SEL1L3: variants seen among roughly 807,000 people sequenced by gnomAD.
SEL1L3 encodes protein sel-1 homolog 3.
Under a neutral mutation model 142.8 loss-of-function variants are expected in SEL1L3, and 76 were observed. The observed-to-expected ratio is 0.53, with a 90% confidence interval of 0.44 to 0.64. The LOEUF (loss-of-function observed/expected upper bound fraction) is 0.64, where lower values mean the gene tolerates loss of function less well. Ranked by LOEUF, SEL1L3 falls within the 30% of genes least tolerant of loss-of-function variation. The pLI is 0.00. For missense variants in SEL1L3, 1,262 were observed against 1,381.7 expected (o/e 0.91, Z 1.37); for synonymous variants, 504 against 519.6 (o/e 0.97, Z 0.41).
chr4:25,804,780 A>G (rs979727264), intron 9 of SEL1L3, 28 bp from the exon 10 acceptor site: 13 of 1,456,168 alleles, frequency 8.9e-6, no homozygotes, highest in Non-Finnish European at 1.3e-5. Context: ...CAGAGCACAC[A>G]CAATTAATTA....
the SEL1L3 span, among the ~76,000 whole-genome samples, chr4:25,733,910 T>C: frequency 3.3e-5 from 5 of 152,138 alleles, no homozygotes; most frequent in Admixed American, 3.3e-4. Flanking sequence ...AGGGAGGAAG[T>C]GTTCAGTTTG....
chr4:25,725,228 A>C, the SEL1L3 span, among the ~76,000 whole-genome samples: 1 of 152,142 alleles, frequency 6.6e-6, no homozygotes, highest in African/African-American at 2.4e-5. Context: ...CACTGATTAA[A>C]GTGAAAGAAG....
chr4:25,818,390 T>C, intron 8 of SEL1L3, 112 bp from the exon 9 acceptor site: 2 of 990,238 alleles, frequency 2.0e-6, no homozygotes, highest in East Asian at 3.0e-5. Context: ...TTACTGGATG[T>C]TGGTTTTGGT....
intron 15 of SEL1L3, among the ~76,000 whole-genome samples, chr4:25,780,479 T>A (rs1452455291): frequency 6.6e-6 from 1 of 151,938 alleles, no homozygotes; most frequent in Non-Finnish European, 1.5e-5. Flanking sequence ...CTCCATCTCT[T>A]CTGCTTTCCA....
chr4:25,764,244 TAGATTGGAGA>T (rs1190527800), intron 20 of SEL1L3, among the ~76,000 whole-genome samples: 13 of 152,200 alleles, frequency 8.5e-5, no homozygotes, highest in African/African-American at 3.1e-4. Flanking sequence ...GGAACTGTCA[TAGATTGGAGA>T]AGATTGGAAA....
At chr4:25,726,716 A>C in the SEL1L3 span, among the ~76,000 whole-genome samples, 13 of 152,242 alleles carry the variant, frequency 8.5e-5, no homozygotes, top group African/African-American at 3.1e-4. Flanking sequence ...TTGGGTGGTG[A>C]AATTATTACA....
upstream of SEL1L3, chr4:25,863,364 T>G (rs1367553482): frequency 1.6e-6 from 1 of 623,390 alleles, no homozygotes; most frequent in African/African-American, 1.9e-5. Context: ...CACTTTCTCC[T>G]TTTCCTCCCT....
Position 25,847,475 on chromosome 4 carries a change from T to C in SEL1L3, c.552A>G (p.Arg184=). 1 of 1,614,040 alleles carries C rather than the reference T, an allele frequency of 6.2e-7. No homozygotes were observed. Among genetic ancestry groups the C allele is most frequent in the Non-Finnish European group, 8.5e-7 (1 of 1,179,900 alleles). Residue 184 remains arginine, a synonymous_variant, in exon 2 of 24, where the codon AGA becomes AGG. Coordinates refer to ENST00000399878, the MANE Select transcript of SEL1L3 (RefSeq NM_015187.5). ...RAWITHKYSG[R]DWNVKWEENL... The stretch of plus-strand genomic sequence containing the variant: ...TTTCCTCCCATTTAACATTCCAGTC[T>C]CTGCCACTGTATTTGTGAGTAATCC...
intron 2 of SEL1L3, among the ~76,000 whole-genome samples, chr4:25,835,958 G>A (rs763785603): frequency 3.9e-5 from 6 of 152,234 alleles, no homozygotes; most frequent in Non-Finnish European, 4.4e-5. Context: ...TTAACAGATC[G>A]AAAACTGAGC....
chr4:25,748,273 T>C lies in SEL1L3; in HGVS notation c.*152A>G. On this transcript the variant is annotated 3_prime_UTR_variant, in exon 24 of 24. Transcript: ENST00000399878. ...CCTGATCTGGGTACTTCCTTGTAATTTGACTTTAAAAAAAATGACACCAAT... is the reference window on the plus strand; with the variant it reads ...CCTGATCTGGGTACTTCCTTGTAATCTGACTTTAAAAAAAATGACACCAAT... 1.4e-6 allele frequency: 1 copy of C among 705,722 alleles called. No individual in the cohort carries two copies. Among genetic ancestry groups the C allele is most frequent in the Non-Finnish European group, 2.3e-6 (1 of 429,534 alleles). 43.7% of individuals were successfully genotyped at this position (705,722 alleles called of 1,614,324 possible). A position where few individuals can be genotyped will look rare whatever the true frequency, so the allele number is the denominator to read the frequency against.
In SEL1L3 at chr4:25,788,233, C is replaced by A; in HGVS notation, c.2208G>T (p.Val736=). The change falls in exon 13 of 24, where the codon GTG becomes GTT. Residue 736 remains valine, a synonymous_variant. Coordinates refer to ENST00000399878, the MANE Select transcript of SEL1L3 (RefSeq NM_015187.5). The surrounding 1 kb of genome is among the most constrained non-coding windows in gnomAD (Gnocchi z 5.3). The part of the protein sequence containing the change: ...DPALIYDYAI[V]LFKGQGVKKN... ...ATTAAGTGATTCTTACCTTGAATAGCACAATGGCATAGTCATAGATTAACG... is the reference window on the plus strand; with the variant it reads ...ATTAAGTGATTCTTACCTTGAATAGAACAATGGCATAGTCATAGATTAACG... 3 of 1,613,692 alleles carry A rather than the reference C, an allele frequency of 1.9e-6. No homozygotes were observed. Among genetic ancestry groups the A allele is most frequent in the Non-Finnish European group, 2.5e-6 (3 of 1,179,834 alleles).
chr4:25,823,649 G>T (rs1199522414), intron 6 of SEL1L3, among the ~76,000 whole-genome samples: 1 of 152,108 alleles, frequency 6.6e-6, no homozygotes, highest in African/African-American at 2.4e-5. Context: ...TGAGGGGAGT[G>T]AGGGCTAAGA....
chr4:25,853,763 C>T (rs1717060040), intron 1 of SEL1L3, among the ~76,000 whole-genome samples: 1 of 151,014 alleles, frequency 6.6e-6, no homozygotes, highest in South Asian at 2.1e-4. Context: ...CCTCCGCCTC[C>T]CGGGTTCTAG....
intron 6 of SEL1L3, 90 bp from the exon 7 acceptor site, chr4:25,822,218 C>A: frequency 6.8e-7 from 1 of 1,476,580 alleles, no homozygotes; most frequent in Non-Finnish European, 9.3e-7. Flanking sequence ...CTTGACTTAA[C>A]CCAAATTGCC....
chr4:25,863,306 G>C (rs945245795), upstream of SEL1L3: 5 of 259,942 alleles, frequency 1.9e-5, no homozygotes, highest in Non-Finnish European at 3.6e-5. Flanking sequence ...CTCTCCCTCC[G>C]GCTCCCTCTT....
At chr4:25,809,308 ATTTTTTT>A (rs71190851) in intron 9 of SEL1L3, among the ~76,000 whole-genome samples, 46 of 139,252 alleles carry the variant, frequency 3.3e-4, no homozygotes, top group African/African-American at 1.2e-3. Flanking sequence ...TGCTTGGCTA[ATTTTTTT>A]TTTTTTTTTG....
intron 8 of SEL1L3, among the ~76,000 whole-genome samples, chr4:25,819,064 C>A (rs1340958373): frequency 6.6e-6 from 1 of 152,210 alleles, no homozygotes; most frequent in Non-Finnish European, 1.5e-5. Context: ...AAAGGTCCCA[C>A]AGGAATTTCT....
chr4:25,745,883 A>T (rs1717246436), downstream of SEL1L3, among the ~76,000 whole-genome samples: 1 of 152,244 alleles, frequency 6.6e-6, no homozygotes. Context: ...CATGTTCCCA[A>T]CAGATTGGAA....
chr4:25,776,067 C>A (rs1456850998), intron 17 of SEL1L3, among the ~76,000 whole-genome samples: 1 of 152,152 alleles, frequency 6.6e-6, no homozygotes, highest in East Asian at 1.9e-4. Context: ...AACAATTCCC[C>A]TAGAGAACAA....
Sources: gnomAD v4.1 joint callset for allele counts (sites outside exome capture counted in the v4.1 genomes callset) on GRCh38, gnomAD v4.1.1 for gene constraint, Gnocchi (gnomAD v3.1) non-coding constraint, MANE v1.5 for transcripts, NCBI Gene and HGNC (gene_info 2026-07-23, HGNC 2026-07-21) for gene names.